The following FOXP1 variants were observed in gnomAD, a reference collection of about 807,000 sequenced individuals.
FOXP1 encodes the protein forkhead box P1.
In FOXP1, 15 loss-of-function variants were observed where a neutral mutation model predicts 98.2. The ratio of observed to expected loss-of-function variants is 0.15; its 90% CI spans 0.10 to 0.24. FOXP1 has a LOEUF of 0.24. Among genes scored for constraint, FOXP1 ranks in the 10% least tolerant of loss-of-function variants. The probability of loss-of-function intolerance (pLI) is 1.00; values close to 1 mark genes in which losing one functional copy is unlikely to be tolerated. For synonymous variants in FOXP1, 371 were observed against 314.5 expected, an observed-to-expected ratio of 1.18 and a Z score of -1.90; for missense variants, 633 against 848.5, an observed-to-expected ratio of 0.75 and a Z score of 3.15.
chr3:71,341,645 G>A (rs2077014686), intron 4 of FOXP1, among the ~76,000 whole-genome samples: 1 of 152,184 alleles, frequency 6.6e-6, no homozygotes, highest in Non-Finnish European at 1.5e-5. Flanking sequence ...GTTGCTGTGA[G>A]CTAAGATTGT....
At chr3:71,047,955 A>T (rs1174637883) in intron 9 of FOXP1, among the ~76,000 whole-genome samples, 3 of 152,338 alleles carry the variant, frequency 2.0e-5, no homozygotes, top group African/African-American at 7.2e-5. Flanking sequence ...CAGCCAAAAA[A>T]ATTAATGTAG....
intron 6 of FOXP1, among the ~76,000 whole-genome samples, chr3:71,180,684 C>CT (rs1415398457): frequency 6.6e-6 from 1 of 152,108 alleles, no homozygotes; most frequent in Admixed American, 6.5e-5. Flanking sequence ...TCCACCCTTC[C>CT]TTTTTTAAAA....
chr3:71,285,994 G>C (rs1398276676), intron 5 of FOXP1, among the ~76,000 whole-genome samples: 1 of 152,190 alleles, frequency 6.6e-6, no homozygotes, highest in East Asian at 1.9e-4. Context: ...AGGCGATTTT[G>C]CTACTGTGCC....
At chr3:70,996,975 C>T (rs1022411526) in intron 13 of FOXP1, among the ~76,000 whole-genome samples, 2 of 152,162 alleles carry the variant, frequency 1.3e-5, no homozygotes, top group Non-Finnish European at 2.9e-5. Context: ...TGTAGTGCTA[C>T]GTGGGACAAA....
chr3:71,260,628 C>T (rs183449935), intron 5 of FOXP1, among the ~76,000 whole-genome samples: 8 of 151,702 alleles, frequency 5.3e-5, no homozygotes, highest in African/African-American at 1.5e-4. Context: ...CTGCAACCTC[C>T]GTCTCCCAGG....
At chr3:71,316,877 C>T (rs918590744) in intron 4 of FOXP1, among the ~76,000 whole-genome samples, 13 of 151,970 alleles carry the variant, frequency 8.6e-5, no homozygotes, top group African/African-American at 3.1e-4. Flanking sequence ...AGGATGGTCT[C>T]TATTTCCTAA....
At chr3:71,431,088 A>G (rs1375670160) in intron 3 of FOXP1, among the ~76,000 whole-genome samples, 1 of 152,214 alleles carries the variant, frequency 6.6e-6, no homozygotes, top group African/African-American at 2.4e-5. Context: ...GCCGGTGGAC[A>G]TGTCCCTTGC....
At chr3:71,066,109 AAAG>A (rs1261560355) in intron 7 of FOXP1, among the ~76,000 whole-genome samples, 6 of 151,756 alleles carry the variant, frequency 4.0e-5, no homozygotes, top group Non-Finnish European at 8.8e-5. Flanking sequence ...AAAAAAAAAA[AAAG>A]GCAACAAAAT....
At chr3:71,295,196 T>C (rs1361056084) in intron 5 of FOXP1, among the ~76,000 whole-genome samples, 1 of 152,212 alleles carries the variant, frequency 6.6e-6, no homozygotes, top group African/African-American at 2.4e-5. Context: ...TAACGACTGC[T>C]TCCAGTGTCT....
chr3:71,418,428 T>A (rs912173821), intron 3 of FOXP1, among the ~76,000 whole-genome samples: 2 of 152,204 alleles, frequency 1.3e-5, no homozygotes, highest in Admixed American at 6.5e-5. Context: ...TTTTCCCTCA[T>A]GGGCTCCATA....
chr3:71,540,478 C>T (rs1410555081), intron 2 of FOXP1, among the ~76,000 whole-genome samples: 1 of 152,204 alleles, frequency 6.6e-6, no homozygotes, highest in Non-Finnish European at 1.5e-5. Context: ...TCACTACTTT[C>T]CTTTGTTGTC....
At chr3:71,003,313 C>T (rs1308273000) in intron 12 of FOXP1, among the ~76,000 whole-genome samples, 1 of 152,168 alleles carries the variant, frequency 6.6e-6, no homozygotes, top group Non-Finnish European at 1.5e-5. Context: ...CAGTTATGTC[C>T]TTAATGATGT....
chr3:70,965,681 T>C (rs2034607727), intron 20 of FOXP1, among the ~76,000 whole-genome samples: 4 of 152,196 alleles, frequency 2.6e-5, no homozygotes. Flanking sequence ...TTTATTGCTG[T>C]GAATTGCTTT....
At chr3:71,414,569 G>T (rs1459284429) in intron 3 of FOXP1, among the ~76,000 whole-genome samples, 2 of 152,190 alleles carry the variant, frequency 1.3e-5, no homozygotes, top group African/African-American at 4.8e-5. Flanking sequence ...TAAAAGAAGG[G>T]AACAAATAAA....
At chr3:70,972,036 C>T in intron 18 of FOXP1, 1 of 1,457,740 alleles carries the variant, frequency 6.9e-7, no homozygotes, top group Non-Finnish European at 9.0e-7. Flanking sequence ...TCAAAGTTTT[C>T]ATCGGGGCAG....
intron 6 of FOXP1, among the ~76,000 whole-genome samples, chr3:71,158,041 T>C (rs925743741): frequency 1.4e-5 from 2 of 143,660 alleles, no homozygotes; most frequent in African/African-American, 2.6e-5. Context: ...TGAGCCAAGA[T>C]TGCACCACTG....
intron 2 of FOXP1, chr3:71,543,284 A>G (rs1006660306): frequency 2.0e-5 from 3 of 152,226 alleles, no homozygotes; most frequent in Non-Finnish European, 2.9e-5. Flanking sequence ...TTAAAAAACC[A>G]TGACTGAATA....
chr3:71,577,757 G>A (rs142595082), intron 2 of FOXP1, among the ~76,000 whole-genome samples: 4 of 151,810 alleles, frequency 2.6e-5, no homozygotes, highest in Middle Eastern at 3.4e-3. Flanking sequence ...CTCAATGTTT[G>A]ATCACCTGGT....
chr3:71,127,008 T>A (rs576093433), intron 6 of FOXP1, among the ~76,000 whole-genome samples: 1 of 151,486 alleles, frequency 6.6e-6, no homozygotes, highest in Admixed American at 6.6e-5. Flanking sequence ...TGAGTAGAGA[T>A]TTTTTTTTCA....
Sources: allele counts gnomAD v4.1 joint callset (sites outside exome capture counted in the v4.1 genomes callset), GRCh38; gene constraint gnomAD v4.1.1; transcripts MANE v1.5; gene names NCBI Gene and HGNC (gene_info 2026-07-23, HGNC 2026-07-21).